SH3PXD2A: variants seen among roughly 807,000 people sequenced by gnomAD.
SH3PXD2A encodes SH3 and PX domain-containing protein 2A.
SH3PXD2A carries 32 observed loss-of-function variants against 115.2 expected under a neutral mutation model. The observed-to-expected ratio is 0.28, with a 90% CI of 0.21 to 0.37. The LOEUF (loss-of-function observed/expected upper bound fraction) is 0.37, where lower values mean the gene tolerates loss of function less well. Ranked by LOEUF, SH3PXD2A falls within the 10% of genes least tolerant of loss-of-function variation. The pLI, the probability that SH3PXD2A is intolerant of heterozygous loss-of-function variation, is 1.00. For missense variants in SH3PXD2A, 1,328 were observed against 1,498.7 expected, an observed-to-expected ratio of 0.89 and a Z score of 1.88; for synonymous variants, 610 against 629.1, an observed-to-expected ratio of 0.97 and a Z score of 0.45.
intron 1 of SH3PXD2A, among the ~76,000 whole-genome samples, chr10:103,832,412 A>G (rs1245991156): frequency 6.6e-6 from 1 of 151,882 alleles, no homozygotes; most frequent in Non-Finnish European, 1.5e-5. Context: ...CAACCAGCTG[A>G]TCTGGAGGAA....
intron 2 of SH3PXD2A, among the ~76,000 whole-genome samples, chr10:103,771,599 T>C (rs1219162944): frequency 1.3e-5 from 2 of 151,808 alleles, no homozygotes; most frequent in African/African-American, 2.4e-5. Context: ...GTACAAAAAT[T>C]AGGTGGGCAT....
chr10:103,806,762 CA>C (rs2039206760), intron 1 of SH3PXD2A, among the ~76,000 whole-genome samples: 1 of 152,190 alleles, frequency 6.6e-6, no homozygotes, highest in Admixed American at 6.5e-5. Flanking sequence ...CCATTTCAGG[CA>C]GATGGTAGGC....
chr10:103,759,663 T>G (rs2038678887), intron 3 of SH3PXD2A, among the ~76,000 whole-genome samples: 1 of 152,198 alleles, frequency 6.6e-6, no homozygotes. Context: ...CTACTTCATG[T>G]CGTAATGACC....
intron 7 of SH3PXD2A, among the ~76,000 whole-genome samples, chr10:103,664,115 G>A (rs1037443244): frequency 1.3e-5 from 2 of 152,194 alleles, no homozygotes; most frequent in Admixed American, 6.5e-5. Flanking sequence ...CCTGTTCCAT[G>A]CCTGGAGCCT....
At position 103,603,235 on chromosome 10, in the gene SH3PXD2A, G is replaced by T; in HGVS notation, c.1983C>A (p.Gly661=). 1.2e-6 allele frequency: 2 copies of T among 1,613,850 alleles called. No individual in the cohort carries two copies. Among genetic ancestry groups the T allele is most frequent in the Non-Finnish European group, 1.7e-6 (2 of 1,179,754 alleles). ...SLTRKNSPKS[G]SPKSSSLLKL... is the part of the protein sequence containing the mutation. ...TTAGGAGTGATGATGACTTGGGGGA[G>T]CCTGATTTGGGGGAGTTTTTCCTGG... Residue 661 remains glycine (G), a synonymous_variant, in exon 15 of 15, where the codon GGC becomes GGA. Coordinates refer to ENST00000369774, the MANE Select transcript of SH3PXD2A (RefSeq NM_001394015.1).
chr10:103,603,459 C>A lies in SH3PXD2A; in HGVS notation c.1759G>T (p.Ala587Ser). 6.2e-7 allele frequency: 1 copy of A among 1,611,972 alleles called. No homozygotes were observed. The highest frequency in any genetic ancestry group is 1.1e-5 in the South Asian group (1 of 90,840). The change falls in exon 15 of 15, where the codon GCC (alanine) becomes TCC (serine). Residue 587 changes from alanine (A) to serine (S), a missense_variant. Ala to Ser is a moderately conservative substitution (Grantham distance 99). This residue lies in a region of SH3PXD2A where 509 missense variants were observed against 628.3 expected (regional missense o/e 0.81). Transcript: ENST00000369774. The part of the protein sequence containing the change: ...EDRASGERRP[A>S]QPHRPSPASS... ...GCCGGCGAGGGCCGGTGGGGCTGGG[C>A]AGGCCGCCTCTCCCCTGAGGCTCTG...
intron 5 of SH3PXD2A, among the ~76,000 whole-genome samples, chr10:103,710,094 CAA>C (rs143663780): frequency 1.6e-5 from 2 of 123,032 alleles, no homozygotes; most frequent in African/African-American, 3.1e-5. Context: ...GACTCCATCT[CAA>C]AAAAAAAAAA....
chr10:103,607,013 C>T (rs1294664294), intron 13 of SH3PXD2A, among the ~76,000 whole-genome samples: 2 of 148,986 alleles, frequency 1.3e-5, no homozygotes, highest in Admixed American at 1.3e-4. Flanking sequence ...AAGTGAGGAG[C>T]GTCTCTGCCC....
intron 2 of SH3PXD2A, among the ~76,000 whole-genome samples, chr10:103,795,226 T>C (rs940212005): frequency 1.3e-5 from 2 of 152,242 alleles, no homozygotes; most frequent in Admixed American, 1.3e-4. Context: ...ATTTCAAAAA[T>C]TTTTAATTAA....
chr10:103,730,535 T>C (rs1589433054), intron 4 of SH3PXD2A, among the ~76,000 whole-genome samples: 1 of 152,144 alleles, frequency 6.6e-6, no homozygotes, highest in Non-Finnish European at 1.5e-5. Context: ...ACATGGGTTT[T>C]CTTTTTGAAG....
chr10:103,626,862 G>A (rs2036704672), intron 9 of SH3PXD2A, among the ~76,000 whole-genome samples: 1 of 152,142 alleles, frequency 6.6e-6, no homozygotes, highest in Admixed American at 6.5e-5. Context: ...ACTGTGTAGG[G>A]GTCTGAGCCA....
At chr10:103,677,587 A>G (rs1012698534) in intron 6 of SH3PXD2A, among the ~76,000 whole-genome samples, 3 of 152,146 alleles carry the variant, frequency 2.0e-5, no homozygotes, top group African/African-American at 4.8e-5. Flanking sequence ...TGTCTCCCTT[A>G]TCATGCCCTG....
Position 103,841,890 on chromosome 10 carries a change from C to T in SH3PXD2A, c.72+13305G>A, listed in dbSNP as rs184863112. On this transcript the variant is annotated intron_variant, in intron 1 of 14. Transcript: ENST00000369774. Reference sequence around the variant, plus strand: ...CTGTAATCCCAGCACTCTGGGAGGCCGAGACGGGTGGATCACGAGGTCAGG... The same window carrying T: ...CTGTAATCCCAGCACTCTGGGAGGCTGAGACGGGTGGATCACGAGGTCAGG... Among the ~76,000 whole-genome samples, 7 of 152,188 alleles carry T rather than the reference C, an allele frequency of 4.6e-5. 1 individual carries two copies. Among genetic ancestry groups the T allele is most frequent in the South Asian group, 2.1e-4 (1 of 4,814 alleles).
At chr10:103,616,908 G>A (rs995641753) in intron 11 of SH3PXD2A, among the ~76,000 whole-genome samples, 1 of 152,276 alleles carries the variant, frequency 6.6e-6, no homozygotes, top group Non-Finnish European at 1.5e-5. Flanking sequence ...AGCTCTCTTG[G>A]CAGATACGTG....
At chr10:103,791,429 C>T (rs979236694) in intron 2 of SH3PXD2A, among the ~76,000 whole-genome samples, 3 of 152,222 alleles carry the variant, frequency 2.0e-5, no homozygotes, top group African/African-American at 7.2e-5. Context: ...TGATTTCCCA[C>T]ACAGACCCAC....
At position 103,746,522 on chromosome 10, in the gene SH3PXD2A, A is replaced by T. The variant is rs1338119951; in HGVS notation, c.230-10714T>A. ...TTTTTTGTAGAAACTGGGTTTCACC[A>T]TGTAGCCCAGGCTGGTTTTAAACTC... is the stretch of plus-strand genomic sequence containing the variant. On this transcript the variant is annotated intron_variant, in intron 3 of 14. Transcript: ENST00000369774. This position sits in a 1 kb window ranked among gnomAD's most constrained non-coding sequence, Gnocchi z 4.4. Among the ~76,000 whole-genome samples, 1 of 152,116 alleles carries T rather than the reference A, an allele frequency of 6.6e-6. No individual in the cohort carries two copies. Among genetic ancestry groups the T allele is most frequent in the Non-Finnish European group, 1.5e-5 (1 of 68,024 alleles).
chr10:103,808,715 T>C (rs2039233536), intron 1 of SH3PXD2A, among the ~76,000 whole-genome samples: 1 of 152,220 alleles, frequency 6.6e-6, no homozygotes, highest in South Asian at 2.1e-4. Flanking sequence ...CGTTTGCTAA[T>C]TGTTGGCTCA....
At chr10:103,735,628 C>T in intron 4 of SH3PXD2A, 104 bp downstream of exon 4, 1 of 934,018 alleles carries the variant, frequency 1.1e-6, no homozygotes, top group Non-Finnish European at 1.7e-6. Flanking sequence ...CAGGACGGTT[C>T]TGTACAGCAA....
intron 2 of SH3PXD2A, among the ~76,000 whole-genome samples, chr10:103,786,751 G>A (rs760393284): frequency 1.3e-5 from 2 of 152,172 alleles, no homozygotes; most frequent in Non-Finnish European, 2.9e-5. Flanking sequence ...GCAGTTCAGG[G>A]GTGATCATGG....
Sources: gnomAD v4.1 joint callset for allele counts (sites outside exome capture counted in the v4.1 genomes callset) on GRCh38, gnomAD v4.1.1 for gene constraint, gnomAD v4.1.1 regional missense constraint, Gnocchi (gnomAD v3.1) non-coding constraint, MANE v1.5 for transcripts, NCBI Gene and HGNC (gene_info 2026-07-23, HGNC 2026-07-21) for gene names.